Variants in KMT5C observed in about 807,000 individuals in gnomAD.
KMT5C encodes lysine methyltransferase 5C.
KMT5C carries 16 observed loss-of-function variants against 38.2 expected under a neutral mutation model. The ratio of observed to expected loss-of-function variants is 0.42; its 90% confidence interval spans 0.28 to 0.64. The LOEUF (loss-of-function observed/expected upper bound fraction) is 0.64. Among genes scored for constraint, KMT5C ranks in the 30% least tolerant of loss-of-function variants. The pLI is 0.23. For missense variants in KMT5C, 598 were observed against 665.1 expected (o/e 0.90, Z 1.11); for synonymous variants, 291 against 279.0 (o/e 1.04, Z -0.43).
chr19:55,342,693 C>T, intron 3 of KMT5C, 49 bp from the exon 4 acceptor site: 1 of 1,069,930 alleles, frequency 9.3e-7, no homozygotes, highest in South Asian at 1.3e-5. Flanking sequence ...GAGAGAGGGC[C>T]AAAGATGCCC....
chr19:55,346,126 C>A, intron 6 of KMT5C, 87 bp from the exon 7 acceptor site: 2 of 1,547,144 alleles, frequency 1.3e-6, no homozygotes, highest in Non-Finnish European at 1.8e-6. Flanking sequence ...GAGGACGCTC[C>A]GGGCCAGGGT....
Position 55,347,777 on chromosome 19 carries a change from G to A in KMT5C, c.*328G>A, listed in dbSNP as rs950005327. 20 of 347,124 alleles carry A rather than the reference G, an allele frequency of 5.8e-5. No homozygotes were observed. In the Admixed American group the frequency reaches 7.7e-4, roughly 13 times the overall value. 21.5% of individuals were successfully genotyped at this position (347,124 alleles called of 1,614,324 possible). ...GGGAGCAAAGCCATAAGGGGCAGGGGCCACCCCACGGCATCTCCCCAGAAG... is the reference window on the plus strand; with the variant it reads ...GGGAGCAAAGCCATAAGGGGCAGGGACCACCCCACGGCATCTCCCCAGAAG... On this transcript the variant is annotated 3_prime_UTR_variant, in exon 9 of 9. Coordinates refer to ENST00000255613, the MANE Select transcript of KMT5C (RefSeq NM_032701.4). This position sits in a 1 kb window ranked among gnomAD's most constrained non-coding sequence, Gnocchi z 4.6.
Position 55,342,311 on chromosome 19 carries a change from G to T in KMT5C, c.207G>T (p.Thr69=). 1 of 1,581,920 alleles carries T rather than the reference G, an allele frequency of 6.3e-7. No individual in the cohort carries two copies. ...TGGAGGCTGCGTACCGGGCCCTGAC[G>T]CTGGGAGGCTGGACGGCCCGCTACT... The part of the protein sequence containing the change: ...RDLEAAYRAL[T]LGGWTARYFQ... Residue 69 remains threonine (T), a synonymous_variant, in exon 3 of 9, where the codon ACG becomes ACT. Coordinates refer to ENST00000255613, the MANE Select transcript of KMT5C (RefSeq NM_032701.4).
In KMT5C at chr19:55,347,133, G is replaced by A. The variant is rs760379110; in HGVS notation, c.1073G>A (p.Arg358Gln). Residue 358 changes from arginine to glutamine, a missense_variant, in exon 9 of 9, where the codon CGA becomes CAA. Physicochemically the swap from Arg to Gln is conservative, Grantham distance 43 (BLOSUM62 1). Transcript: ENST00000255613. This position sits in a 1 kb window ranked among gnomAD's most constrained non-coding sequence, Gnocchi z 4.6. Reference protein sequence around the residue: ...THHAARVSLHRWGGCGPHCRL... With the variant: ...THHAARVSLHQWGGCGPHCRL... Reference sequence around the variant, plus strand: ...CACGCTGCCCGCGTCTCCCTGCACCGATGGGGAGGCTGTGGCCCCCACTGC... The same window carrying A: ...CACGCTGCCCGCGTCTCCCTGCACCAATGGGGAGGCTGTGGCCCCCACTGC... The A allele has an allele frequency of 6.5e-6, 10 of 1,541,898 alleles. No individual in the cohort carries two copies. The highest frequency in any genetic ancestry group is 1.4e-5 in the African/African-American group (1 of 73,312).
intron 7 of KMT5C, 29 bp downstream of exon 7, chr19:55,346,378 C>A: frequency 3.1e-6 from 5 of 1,613,558 alleles, no homozygotes; most frequent in Non-Finnish European, 4.2e-6. Context: ...CGGCTGGGTT[C>A]GGGTCGTCTG....
chr19:55,342,486 GC>G, intron 3 of KMT5C, 106 bp downstream of exon 3: 2 of 924,354 alleles, frequency 2.2e-6, no homozygotes, highest in Non-Finnish European at 3.2e-6. Context: ...AGCCCCTGGG[GC>G]CCCCTGACTT....
chr19:55,341,427 G>A (rs914395289), intron 1 of KMT5C, among the ~76,000 whole-genome samples: 2 of 152,226 alleles, frequency 1.3e-5, no homozygotes, highest in African/African-American at 4.8e-5. Flanking sequence ...CCTCGGGCTG[G>A]CGGGAAGCTT....
chr19:55,346,017 G>A (rs2089612475), intron 6 of KMT5C, 196 bp from the exon 7 acceptor site: 7 of 621,134 alleles, frequency 1.1e-5, no homozygotes, highest in South Asian at 1.9e-5. Flanking sequence ...CAGCCAGTGG[G>A]TGGATTGTCC....
chr19:55,342,177 G>C (rs555961258), intron 2 of KMT5C, 38 bp from the exon 3 acceptor site: 4 of 1,600,252 alleles, frequency 2.5e-6, no homozygotes, highest in Non-Finnish European at 3.4e-6. Context: ...GCCGGGGCCC[G>C]GGAAGGCCCT....
At position 55,343,173 on chromosome 19, in the gene KMT5C, A is replaced by ATCCCCTGCCCCT; in HGVS notation, c.386+322_386+323insTCCCCTGCCCCT. The ATCCCCTGCCCCT allele has an allele frequency of 3.8e-6, 1 of 260,334 alleles. No homozygotes were observed. 16.1% of individuals were successfully genotyped at this position (260,334 alleles called of 1,614,324 possible). ...TTAAACACCCCTGAGTGCAATGAGG[A>ATCCCCTGCCCCT]GCCCCTGCCCCTGCCCCTGCGGGGT... is the stretch of plus-strand genomic sequence containing the variant. On this transcript the variant is annotated intron_variant, in intron 4 of 8. Transcript: ENST00000255613. This position sits in a 1 kb window ranked among gnomAD's most constrained non-coding sequence, Gnocchi z 5.5.
At chr19:55,345,445 C>T (rs1378555219) in intron 6 of KMT5C, among the ~76,000 whole-genome samples, 1 of 151,810 alleles carries the variant, frequency 6.6e-6, no homozygotes, top group African/African-American at 2.4e-5. Flanking sequence ...AGGGTGGCCA[C>T]AAAGAGGTGA....
chr19:55,343,731 G>A lies in KMT5C; in HGVS notation c.438G>A (p.Arg146=). Reference sequence around the variant, plus strand: ...TGGTGGGCTGCATTGCAGAGCTGCGGGAGGCAGATGAGGGGCTGCTGAGGG... The same window carrying A: ...TGGTGGGCTGCATTGCAGAGCTGCGAGAGGCAGATGAGGGGCTGCTGAGGG... The part of the protein sequence containing the change: ...ELLVGCIAEL[R]EADEGLLRAG... Residue 146 remains arginine, a synonymous_variant, in exon 5 of 9, where the codon CGG becomes CGA. Transcript: ENST00000255613. The surrounding 1 kb of genome is among the most constrained non-coding windows in gnomAD (Gnocchi z 5.5). 6.3e-7 allele frequency: 1 copy of A among 1,582,996 alleles called. No homozygotes were observed. Among genetic ancestry groups the A allele is most frequent in the South Asian group, 1.1e-5 (1 of 87,944 alleles).
At position 55,347,622 on chromosome 19, in the gene KMT5C, C is replaced by T; in HGVS notation, c.*173C>T. On this transcript the variant is annotated 3_prime_UTR_variant, in exon 9 of 9. Transcript: ENST00000255613. This position sits in a 1 kb window ranked among gnomAD's most constrained non-coding sequence, Gnocchi z 4.6. The stretch of plus-strand genomic sequence containing the variant: ...ACCCCCAGGGATCTGAGCCCTGACC[C>T]TTTGTGACTGCTGACCCCTGAGCCA... 1 of 1,125,046 alleles carries T rather than the reference C, an allele frequency of 8.9e-7. No homozygotes were observed. Among genetic ancestry groups the T allele is most frequent in the South Asian group, 2.0e-5 (1 of 50,502 alleles). The allele number at this position is 1,125,046 out of a possible 1,614,324, so 69.7% of individuals were successfully genotyped here.
chr19:55,343,768 G>T lies in KMT5C; in HGVS notation c.475G>T (p.Asp159Tyr). ...DEGLLRAGEN[D>Y]FSIMYSTRKR... ...GGGGCTGCTGAGGGCCGGTGAGAAT[G>T]ACTTCAGCATCATGTACTCAACCCG... is the stretch of plus-strand genomic sequence containing the variant. Residue 159 changes from aspartate to tyrosine, a missense_variant, in exon 5 of 9, where the codon GAC becomes TAC. Asp to Tyr is a radical substitution (Grantham distance 160). Transcript: ENST00000255613. This position sits in a 1 kb window ranked among gnomAD's most constrained non-coding sequence, Gnocchi z 5.5. 6.2e-7 allele frequency: 1 copy of T among 1,610,566 alleles called. No homozygotes were observed. The highest frequency in any genetic ancestry group is 1.1e-5 in the South Asian group (1 of 90,646).
intron 1 of KMT5C, among the ~76,000 whole-genome samples, chr19:55,340,528 G>A (rs548342960): frequency 5.3e-5 from 8 of 151,758 alleles, no homozygotes; most frequent in African/African-American, 1.9e-4. Flanking sequence ...CTTGCCCTGG[G>A]CTCTCACCGC....
chr19:55,343,071 G>A lies in KMT5C; in HGVS notation c.386+220G>A. 2 of 540,074 alleles carry A rather than the reference G, an allele frequency of 3.7e-6. No homozygotes were observed. Among genetic ancestry groups the A allele is most frequent in the South Asian group, 2.1e-5 (1 of 48,126 alleles). The allele number at this position is 540,074 out of a possible 1,614,324, so 33.5% of individuals were successfully genotyped here. ...CGGATGTGACCCCAGGGTTCCTGGG[G>A]CTTCCAGGAAAGAACTAGGCTTCTG... On this transcript the variant is annotated intron_variant, in intron 4 of 8. Transcript: ENST00000255613. This position sits in a 1 kb window ranked among gnomAD's most constrained non-coding sequence, Gnocchi z 5.5.
chr19:55,341,377 G>A (rs2089554769), intron 1 of KMT5C, among the ~76,000 whole-genome samples: 1 of 152,162 alleles, frequency 6.6e-6, no homozygotes, highest in Non-Finnish European at 1.5e-5. Context: ...GGCAGGGGGC[G>A]GAGACCGAGG....
chr19:55,340,924 T>TCCCTGGGC (rs2089549414), intron 1 of KMT5C, among the ~76,000 whole-genome samples: 1 of 148,278 alleles, frequency 6.7e-6, no homozygotes, highest in African/African-American at 2.5e-5. Context: ...CCTGGCGTCC[T>TCCCTGGGC]CCTGCAGCGC....
chr19:55,340,764 G>C (rs2089547447), intron 1 of KMT5C, among the ~76,000 whole-genome samples: 1 of 150,796 alleles, frequency 6.6e-6, no homozygotes, highest in African/African-American at 2.4e-5. Context: ...CCCGCTCTCT[G>C]TCCTCCCTGG....
Sources: allele counts gnomAD v4.1 joint callset (sites outside exome capture counted in the v4.1 genomes callset), GRCh38; gene constraint gnomAD v4.1.1; non-coding constraint Gnocchi (gnomAD v3.1); transcripts MANE v1.5; gene names NCBI Gene and HGNC (gene_info 2026-07-23, HGNC 2026-07-21).